BARX2: variants seen among roughly 807,000 people sequenced by gnomAD.
BARX2 encodes BARX homeobox 2, also known as homeobox protein BarH-like 2.
Under a neutral mutation model 25.5 loss-of-function variants are expected in BARX2, and 11 were observed. The observed-to-expected ratio is 0.43, with a 90% CI of 0.27 to 0.71. The LOEUF is 0.71. Among genes scored for constraint, BARX2 ranks in the 30% least tolerant of loss-of-function variants. The probability of loss-of-function intolerance (pLI) is 0.19; values close to 1 mark genes in which losing one functional copy is unlikely to be tolerated. For synonymous variants in BARX2, 137 were observed against 149.5 expected (o/e 0.92, Z 0.61); for missense variants, 360 against 359.9 (o/e 1.00, Z 0.00).
At chr11:129,431,855 G>A (rs1229339698) in intron 1 of BARX2, among the ~76,000 whole-genome samples, 1 of 151,896 alleles carries the variant, frequency 6.6e-6, no homozygotes, top group Non-Finnish European at 1.5e-5. Flanking sequence ...ACCTAACCCA[G>A]TGTCACAGAG....
chr11:129,375,913 C>T lies in BARX2; in HGVS notation c.-123C>T, dbSNP rs1180638785. On this transcript the variant is annotated 5_prime_UTR_variant, in exon 1 of 4. Coordinates refer to ENST00000281437, the MANE Select transcript of BARX2 (RefSeq NM_003658.5). The surrounding 1 kb of genome is among the most constrained non-coding windows in gnomAD (Gnocchi z 4.0). ...GCTCTCCTCCGCGCGCCACCCGAGC[C>T]CCGCCGCCTCCCCAGCTGCCGGGAG... 1.7e-5 allele frequency: 8 copies of T among 472,650 alleles called. No homozygotes were observed. In the South Asian group the frequency reaches 3.6e-4, roughly 21 times the overall value. 29.3% of individuals were successfully genotyped at this position (472,650 alleles called of 1,614,324 possible).
intron 2 of BARX2, 46 bp from the exon 3 acceptor site, chr11:129,442,789 T>G (rs542177685): frequency 2.6e-6 from 4 of 1,523,246 alleles, no homozygotes; most frequent in African/African-American, 1.4e-5. Context: ...TCTCTCCTGC[T>G]GCCTCCCATT....
At chr11:129,393,520 CTTT>C (rs752633695) in intron 1 of BARX2, among the ~76,000 whole-genome samples, 1 of 142,226 alleles carries the variant, frequency 7.0e-6, no homozygotes. Flanking sequence ...TTAGGATATC[CTTT>C]TTTTTTTTTT....
chr11:129,387,341 G>A (rs981886523), intron 1 of BARX2, among the ~76,000 whole-genome samples: 1 of 152,200 alleles, frequency 6.6e-6, no homozygotes, highest in Non-Finnish European at 1.5e-5. Flanking sequence ...ACCCAGGGGA[G>A]TCTGTTCACT....
intron 1 of BARX2, among the ~76,000 whole-genome samples, chr11:129,378,563 C>CTTTCT (rs1861528011): frequency 9.0e-6 from 1 of 111,210 alleles, no homozygotes; most frequent in Non-Finnish European, 1.8e-5. Flanking sequence ...TTTTCTTTTT[C>CTTTCT]TTTTTTTTTT....
At chr11:129,435,535 C>G (rs1417418136) in intron 1 of BARX2, among the ~76,000 whole-genome samples, 2 of 152,174 alleles carry the variant, frequency 1.3e-5, no homozygotes, top group East Asian at 1.9e-4. Flanking sequence ...GGCTCAGATG[C>G]TGGCTGTGGC....
chr11:129,424,353 C>T (rs1287523093), intron 1 of BARX2, among the ~76,000 whole-genome samples: 1 of 152,182 alleles, frequency 6.6e-6, no homozygotes, highest in Non-Finnish European at 1.5e-5. Context: ...ACGTTGCAGA[C>T]ATCAGATTTC....
intron 3 of BARX2, among the ~76,000 whole-genome samples, chr11:129,448,819 T>C (rs758580128): frequency 6.6e-5 from 10 of 152,238 alleles, no homozygotes; most frequent in Non-Finnish European, 1.2e-4. Context: ...CATCAACTGA[T>C]GAGTGAACGA....
intron 1 of BARX2, among the ~76,000 whole-genome samples, chr11:129,413,938 C>T (rs1861916064): frequency 6.6e-6 from 1 of 151,872 alleles, no homozygotes; most frequent in South Asian, 2.1e-4. Context: ...TGGTGGCGGG[C>T]GCCTGTATTC....
intron 1 of BARX2, among the ~76,000 whole-genome samples, chr11:129,383,457 C>T (rs139002747): frequency 1.6e-3 from 244 of 152,252 alleles, no homozygotes; most frequent in African/African-American, 5.7e-3. Context: ...AAGAGAGGGC[C>T]TCTGTCCGTA....
At chr11:129,425,374 A>T (rs1223476221) in intron 1 of BARX2, among the ~76,000 whole-genome samples, 2 of 152,218 alleles carry the variant, frequency 1.3e-5, no homozygotes, top group African/African-American at 4.8e-5. Context: ...TGTACTAAAC[A>T]GCAGCTGTTC....
chr11:129,385,300 G>A lies in BARX2; in HGVS notation c.187+9078G>A, dbSNP rs1861606873. ...GCTCAGCAGTTCCACTCCTGGGTATGTGCCTGGAGAAACCAGTGTATGAGT... is the reference window on the plus strand; with the variant it reads ...GCTCAGCAGTTCCACTCCTGGGTATATGCCTGGAGAAACCAGTGTATGAGT... On this transcript the variant is annotated intron_variant, in intron 1 of 3. Transcript: ENST00000281437. Among the ~76,000 whole-genome samples the A allele has an allele frequency of 2.0e-5, 3 of 152,200 alleles. No individual in the cohort carries two copies. The South Asian group carries it at 6.2e-4, about 32-fold the overall frequency.
At chr11:129,445,599 G>A (rs990678054) in intron 3 of BARX2, among the ~76,000 whole-genome samples, 1 of 152,172 alleles carries the variant, frequency 6.6e-6, no homozygotes, top group African/African-American at 2.4e-5. Context: ...GAGCCAAGAG[G>A]CCCAAGCTGT....
At chr11:129,443,066 G>C in intron 3 of BARX2, 147 bp downstream of exon 3, 2 of 662,072 alleles carry the variant, frequency 3.0e-6, no homozygotes, top group Admixed American at 4.7e-5. Context: ...GGAAGCTGTT[G>C]GATCTGTAGG....
upstream of BARX2, among the ~76,000 whole-genome samples, chr11:129,375,391 T>C (rs373154797): frequency 5.8e-4 from 88 of 152,190 alleles, no homozygotes; most frequent in South Asian, 0.017. This position sits in a 1 kb window ranked among gnomAD's most constrained non-coding sequence, Gnocchi z 4.0. Context: ...TTCTTTCTAG[T>C]AAGAGACCTG....
chr11:129,426,447 A>G lies in BARX2; in HGVS notation c.188-10304A>G, dbSNP rs113605121. 1.8e-3 allele frequency among the ~76,000 whole-genome samples: 274 copies of G among 151,578 alleles called. 1 individual carries two copies. The highest frequency in any genetic ancestry group is 6.3e-3 in the African/African-American group (258 of 41,246). On this transcript the variant is annotated intron_variant, in intron 1 of 3. Coordinates refer to ENST00000281437, the MANE Select transcript of BARX2 (RefSeq NM_003658.5). Reference sequence around the variant, plus strand: ...GAGTGGAGTGGCACAATCTCGGCTCACTGCAACCTCCATCTATCGAGTTAA... The same window carrying G: ...GAGTGGAGTGGCACAATCTCGGCTCGCTGCAACCTCCATCTATCGAGTTAA...
chr11:129,421,106 G>A (rs532460907), intron 1 of BARX2, among the ~76,000 whole-genome samples: 29 of 152,278 alleles, frequency 1.9e-4, no homozygotes, highest in African/African-American at 7.0e-4. Flanking sequence ...TTGCTGTAGG[G>A]AGCAACTGTC....
chr11:129,449,584 T>A (rs1265067498), intron 3 of BARX2, among the ~76,000 whole-genome samples: 2 of 152,078 alleles, frequency 1.3e-5, no homozygotes, highest in Non-Finnish European at 2.9e-5. Context: ...ATATAAATAT[T>A]TTTAAAATTA....
intron 3 of BARX2, among the ~76,000 whole-genome samples, chr11:129,447,965 TACAGGGA>T (rs1178556241): frequency 1.3e-5 from 2 of 152,182 alleles, no homozygotes; most frequent in African/African-American, 4.8e-5. Flanking sequence ...TGAAAAGAAA[TACAGGGA>T]ACGTCTTCTC....
Sources: allele counts gnomAD v4.1 joint callset (sites outside exome capture counted in the v4.1 genomes callset), GRCh38; gene constraint gnomAD v4.1.1; non-coding constraint Gnocchi (gnomAD v3.1); transcripts MANE v1.5; gene names NCBI Gene and HGNC (gene_info 2026-07-23, HGNC 2026-07-21).